SPEF2: variants seen among roughly 807,000 people sequenced by gnomAD.
SPEF2 encodes sperm flagella and cilia-associated protein 2.
Under a neutral mutation model 224.6 loss-of-function variants are expected in SPEF2, and 187 were observed. The observed-to-expected ratio is 0.83, with a 90% CI of 0.74 to 0.94. SPEF2 has a LOEUF of 0.94. SPEF2 is among the 40% of genes least tolerant of loss of function. The probability of loss-of-function intolerance (pLI) is 0.00; values close to 1 mark genes in which losing one functional copy is unlikely to be tolerated. For synonymous variants in SPEF2, 715 were observed against 707.3 expected (o/e 1.01, Z -0.17); for missense variants, 2,170 against 2,135.6 (o/e 1.02, Z -0.32).
At position 35,771,749 on chromosome 5, in the gene SPEF2, A is replaced by ACC. The variant is rs1752886823; in HGVS notation, c.3944_3945dup (p.Lys1316ProfsTer15). On this transcript the variant is annotated frameshift_variant, in exon 27 of 37. Coordinates refer to ENST00000356031, the MANE Select transcript of SPEF2 (RefSeq NM_024867.4). LOFTEE classifies it high-confidence loss of function. ...CCAAGAAAAAACAGGAAGACAAAAA[A>ACC]CCCAAAGGTATTTATGGTTTTAGCA... 1 of 1,587,752 alleles carries ACC rather than the reference A, an allele frequency of 6.3e-7. No homozygotes were observed. The highest frequency in any genetic ancestry group is 2.2e-5 in the East Asian group (1 of 44,778).
intron 30 of SPEF2, among the ~76,000 whole-genome samples, chr5:35,783,805 T>C (rs1268444541): frequency 6.6e-6 from 1 of 152,194 alleles, no homozygotes; most frequent in African/African-American, 2.4e-5. Context: ...GCCAAATACA[T>C]AAGGAAGACA....
chr5:35,749,870 AACCGCAAAAG>A (rs1247370626), intron 23 of SPEF2, among the ~76,000 whole-genome samples: 1 of 152,192 alleles, frequency 6.6e-6, no homozygotes, highest in African/African-American at 2.4e-5. Context: ...ATTCATATGG[AACCGCAAAAG>A]AAACTACATT....
intron 30 of SPEF2, chr5:35,781,305 A>G (rs1292326888): frequency 6.6e-6 from 1 of 152,250 alleles, no homozygotes; most frequent in African/African-American, 2.4e-5. Flanking sequence ...CAAGTGCTCA[A>G]GAATGCAAAG....
rs370978661 is a variant in SPEF2 at position 35,771,807 on chromosome 5, G to A, written c.3949+51G>A. 4.3e-5 allele frequency: 66 copies of A among 1,546,220 alleles called. No homozygotes were observed. In the Middle Eastern group the frequency reaches 8.7e-4, roughly 20 times the overall value. ...CCCTGGATGCCTAAACCTCTCCTTC[G>A]TAGAAAACGAGCATTTAACTGGACA... is the stretch of plus-strand genomic sequence containing the variant. On this transcript the variant is annotated intron_variant, in intron 27 of 36. Transcript: ENST00000356031.
intron 10 of SPEF2, among the ~76,000 whole-genome samples, chr5:35,684,660 C>A (rs1753325903): frequency 6.6e-6 from 1 of 152,174 alleles, no homozygotes; most frequent in Non-Finnish European, 1.5e-5. Context: ...TTAATCTTTA[C>A]AACAATCTGG....
chr5:35,694,366 A>G lies in SPEF2; in HGVS notation c.1975+3A>G. ...AACAGAAGGTGAAACAATGCTTAGT[A>G]AGATCTCAAAACAAATCATCTATTA... On this transcript the variant is annotated splice_donor_region_variant and intron_variant, in intron 13 of 36. Coordinates refer to ENST00000356031, the MANE Select transcript of SPEF2 (RefSeq NM_024867.4). 1.2e-6 allele frequency: 2 copies of G among 1,607,246 alleles called. No individual in the cohort carries two copies. The highest frequency in any genetic ancestry group is 1.7e-6 in the Non-Finnish European group (2 of 1,175,904).
At chr5:35,635,580 G>A (rs1363907662) in intron 2 of SPEF2, among the ~76,000 whole-genome samples, 1 of 152,070 alleles carries the variant, frequency 6.6e-6, no homozygotes, top group African/African-American at 2.4e-5. Context: ...CACCAAAAAC[G>A]TCAAATCCTA....
At chr5:35,743,351 T>C (rs941741486) in intron 23 of SPEF2, among the ~76,000 whole-genome samples, 1 of 152,022 alleles carries the variant, frequency 6.6e-6, no homozygotes, top group Non-Finnish European at 1.5e-5. Context: ...GAGAAACCTC[T>C]AGAAAGAATA....
chr5:35,654,090 G>A (rs551639506), intron 6 of SPEF2, among the ~76,000 whole-genome samples: 1 of 150,860 alleles, frequency 6.6e-6, no homozygotes, highest in Admixed American at 6.6e-5. Flanking sequence ...GTGAAACCCT[G>A]TCTCTACTAA....
chr5:35,715,291 T>C (rs1175448363), intron 20 of SPEF2, among the ~76,000 whole-genome samples: 1 of 152,018 alleles, frequency 6.6e-6, no homozygotes, highest in Non-Finnish European at 1.5e-5. Flanking sequence ...ACTTATGTTT[T>C]CACTCAAAAC....
In SPEF2 at chr5:35,712,818, C is replaced by T. The variant is rs749580348; in HGVS notation, c.2846C>T (p.Pro949Leu). The T allele has an allele frequency of 8.1e-6, 13 of 1,613,456 alleles. No homozygotes were observed. The highest frequency in any genetic ancestry group is 5.5e-5 in the South Asian group (5 of 91,010). ...TAKGKPQSEA[P>L]HGKQESLQEG... Reference sequence around the variant, plus strand: ...TGTGTCGAATTTTGTTTAGAAGCCCCGCATGGTAAGCAAGAATCTCTTCAG... The same window carrying T: ...TGTGTCGAATTTTGTTTAGAAGCCCTGCATGGTAAGCAAGAATCTCTTCAG... The change falls in exon 20 of 37, where the codon CCG (proline) becomes CTG (leucine). Residue 949 changes from proline (P) to leucine (L), a missense_variant. Physicochemically the swap from Pro to Leu is moderately conservative, Grantham distance 98. Coordinates refer to ENST00000356031, the MANE Select transcript of SPEF2 (RefSeq NM_024867.4).
chr5:35,796,868 C>T (rs1452618322), intron 33 of SPEF2, among the ~76,000 whole-genome samples: 1 of 152,102 alleles, frequency 6.6e-6, no homozygotes. Context: ...GAGAAAGGGT[C>T]AGAGAGTTAC....
chr5:35,712,446 A>C (rs939459506), intron 19 of SPEF2, among the ~76,000 whole-genome samples: 23 of 152,130 alleles, frequency 1.5e-4, no homozygotes, highest in African/African-American at 4.8e-4. Context: ...AGGCACATTC[A>C]GTTGAAACAA....
intron 36 of SPEF2, among the ~76,000 whole-genome samples, 155 bp downstream of exon 36, chr5:35,807,408 C>T (rs1005087183): frequency 1.3e-5 from 2 of 152,126 alleles, no homozygotes; most frequent in Non-Finnish European, 2.9e-5. Context: ...TCACATCAGG[C>T]CAGAAAGGTC....
chr5:35,797,625 A>G (rs6889806), intron 33 of SPEF2, among the ~76,000 whole-genome samples: 4 of 152,122 alleles, frequency 2.6e-5, no homozygotes, highest in African/African-American at 9.7e-5. Flanking sequence ...ATTGGCACAT[A>G]ATAAGTCCTA....
At chr5:35,633,477 G>T (rs929185953) in intron 2 of SPEF2, among the ~76,000 whole-genome samples, 5 of 151,884 alleles carry the variant, frequency 3.3e-5, no homozygotes, top group African/African-American at 1.2e-4. Flanking sequence ...TTATTTGCTT[G>T]ATATATGTTT....
At position 35,745,137 on chromosome 5, in the gene SPEF2, AG is replaced by A. The variant is rs1312101141; in HGVS notation, c.3330+4874del. Among the ~76,000 whole-genome samples, 16 of 152,310 alleles carry A rather than the reference AG, an allele frequency of 1.1e-4. No homozygotes were observed. In the South Asian group the frequency reaches 2.7e-3, roughly 26 times the overall value. On this transcript the variant is annotated intron_variant, in intron 23 of 36. Transcript: ENST00000356031. Reference sequence around the variant, plus strand: ...CAATTTAGAGAGCTGAGCGAAATACAGGGGTAGAGGAAGTAGCAGAAAGGCA... The same window carrying A: ...CAATTTAGAGAGCTGAGCGAAATACAGGGTAGAGGAAGTAGCAGAAAGGCA...
intron 34 of SPEF2, among the ~76,000 whole-genome samples, chr5:35,804,735 C>A (rs1390808225): frequency 6.6e-6 from 1 of 152,160 alleles, no homozygotes; most frequent in Non-Finnish European, 1.5e-5. Context: ...ATCATTTATT[C>A]CATTATGCTT....
chr5:35,807,303 C>A, intron 36 of SPEF2, 50 bp downstream of exon 36: 1 of 1,580,326 alleles, frequency 6.3e-7, no homozygotes, highest in Non-Finnish European at 8.6e-7. Flanking sequence ...CAGTTCAGGA[C>A]ATGCTAGGAT....
Sources: gnomAD v4.1 joint callset for allele counts (sites outside exome capture counted in the v4.1 genomes callset) on GRCh38, gnomAD v4.1.1 for gene constraint, MANE v1.5 for transcripts, NCBI Gene and HGNC (gene_info 2026-07-23, HGNC 2026-07-21) for gene names.